Variants in RASAL1 observed in about 807,000 individuals in gnomAD.
RASAL1 encodes RAS protein activator like 1, also known as rasGAP-activating-like protein 1.
A neutral mutation model predicts 96.6 loss-of-function variants in RASAL1; 72 were observed. That is an observed-to-expected ratio of 0.75 (90% confidence interval 0.62 to 0.91). RASAL1 has a LOEUF of 0.91. Ranked by LOEUF, RASAL1 falls within the 40% of genes least tolerant of loss-of-function variation. The pLI, the probability that RASAL1 is intolerant of heterozygous loss-of-function variation, is 0.00. For synonymous variants in RASAL1, 405 were observed against 430.4 expected (o/e 0.94, Z 0.73); for missense variants, 1,016 against 1,072.5 (o/e 0.95, Z 0.74).
chr12:113,125,934 C>T (rs143280752), intron 4 of RASAL1, among the ~76,000 whole-genome samples: 13 of 152,274 alleles, frequency 8.5e-5, no homozygotes, highest in African/African-American at 2.6e-4. Context: ...ACGAAGAATG[C>T]GGAAACTCTG....
intron 16 of RASAL1, 22 bp downstream of exon 16, chr12:113,105,692 C>T (rs766951079): frequency 6.3e-7 from 1 of 1,584,676 alleles, no homozygotes; most frequent in Non-Finnish European, 8.6e-7. Context: ...GGAAAGCCCT[C>T]CATAGTGGAC....
Position 113,128,085 on chromosome 12 carries a change from C to A in RASAL1, c.216G>T (p.Val72=). ...CAAACCCGACAGTGTCCTCATCCAGCACGTAGAAGGCCAGCTGGTGGAAAT... is the reference window on the plus strand; with the variant it reads ...CAAACCCGACAGTGTCCTCATCCAGAACGTAGAAGGCCAGCTGGTGGAAAT... ...PLDFHQLAFY[V]LDEDTVGHDD... is the part of the protein sequence containing the mutation. The change falls in exon 3 of 21, where the codon GTG becomes GTT. Residue 72 remains valine, a synonymous_variant. Transcript: ENST00000548055. 2 of 1,613,972 alleles carry A rather than the reference C, an allele frequency of 1.2e-6. No homozygotes were observed. The highest frequency in any genetic ancestry group is 1.7e-6 in the Non-Finnish European group (2 of 1,179,970).
chr12:113,105,009 T>A (rs890850448), intron 16 of RASAL1, among the ~76,000 whole-genome samples: 1 of 152,254 alleles, frequency 6.6e-6, no homozygotes, highest in Non-Finnish European at 1.5e-5. Flanking sequence ...GCTTCCAAGG[T>A]CACTCATTGG....
chr12:113,104,251 T>G lies in RASAL1; in HGVS notation c.1878A>C (p.Val626=), dbSNP rs558010227. The part of the protein sequence containing the change: ...PVSHIRAVER[V]DEGAFQLPHV... ...GGGGCAGTTGGAAGGCGCCCTCGTCTACGCGCTCCACGGCGCGGATGTGAG... is the reference window on the plus strand; with the variant it reads ...GGGGCAGTTGGAAGGCGCCCTCGTCGACGCGCTCCACGGCGCGGATGTGAG... Residue 626 remains valine, a synonymous_variant, in exon 17 of 21, where the codon GTA becomes GTC. Transcript: ENST00000548055. 6.3e-7 allele frequency: 1 copy of G among 1,598,028 alleles called. No homozygotes were observed. The highest frequency in any genetic ancestry group is 1.3e-5 in the African/African-American group (1 of 74,732).
chr12:113,125,658 G>A (rs1373143843), intron 4 of RASAL1, among the ~76,000 whole-genome samples: 3 of 152,198 alleles, frequency 2.0e-5, no homozygotes. Flanking sequence ...AGTGTGGGGT[G>A]AGTGAACTGC....
chr12:113,107,145 G>C lies in RASAL1; in HGVS notation c.1609C>G (p.Arg537Gly). 1 of 1,613,894 alleles carries C rather than the reference G, an allele frequency of 6.2e-7. No homozygotes were observed. The highest frequency in any genetic ancestry group is 8.5e-7 in the Non-Finnish European group (1 of 1,179,866). ...LHPFLLQCVS[R>G]VRDFLDRLVD... ...AGCCGGTCCAGGAAGTCTCTCACACGTGAGACACACTGCAGCAGGAAGGGG... is the reference window on the plus strand; with the variant it reads ...AGCCGGTCCAGGAAGTCTCTCACACCTGAGACACACTGCAGCAGGAAGGGG... Residue 537 changes from arginine to glycine, a missense_variant, in exon 15 of 21, where the codon CGT becomes GGT. By Grantham distance (125) the Arg-to-Gly change is moderately radical. Transcript: ENST00000548055.
upstream of RASAL1, chr12:113,136,378 G>A (rs980988931): frequency 4.6e-5 from 7 of 152,296 alleles, 1 homozygote; most frequent in Admixed American, 4.6e-4. Context: ...ACACTTCATG[G>A]GTGCCAGGCA....
In RASAL1 at chr12:113,116,269, C is replaced by T. The variant is rs1181736482; in HGVS notation, c.732-218G>A. On this transcript the variant is annotated intron_variant, in intron 8 of 20. Transcript: ENST00000548055. ...CCTGTAGTCCCAGCTACTCAGGAGG[C>T]TGAGGCAGGAGAATTGCTTGAACCT... Among the ~76,000 whole-genome samples the T allele has an allele frequency of 2.0e-5, 3 of 152,076 alleles. No individual in the cohort carries two copies. In the East Asian group the frequency reaches 5.8e-4, roughly 29 times the overall value.
rs763150434 is a variant in RASAL1, at chr12:113,117,064, C to T, written c.731+9G>A. The T allele has an allele frequency of 4.9e-5, 77 of 1,582,720 alleles. No individual in the cohort carries two copies. Among genetic ancestry groups the T allele is most frequent in the Non-Finnish European group, 6.2e-5 (72 of 1,157,216 alleles). ...CAGCCTGGCCCCCTCCCTCTGCACC[C>T]ACATTTACCCAGAATCCTCCTCGGC... On this transcript the variant is annotated intron_variant, in intron 8 of 20. Transcript: ENST00000548055.
chr12:113,121,222 G>C (rs764125235), intron 5 of RASAL1, among the ~76,000 whole-genome samples: 1 of 152,128 alleles, frequency 6.6e-6, no homozygotes, highest in African/African-American at 2.4e-5. Context: ...GTATGAGTTG[G>C]GTATTTGTCA....
At chr12:113,131,446 G>T (rs1951706314) in intron 1 of RASAL1, among the ~76,000 whole-genome samples, 1 of 152,076 alleles carries the variant, frequency 6.6e-6, no homozygotes, top group Non-Finnish European at 1.5e-5. Flanking sequence ...CCCCTGCAGG[G>T]GCTTTAATGC....
At chr12:113,125,437 T>C (rs1951446287) in intron 4 of RASAL1, among the ~76,000 whole-genome samples, 2 of 152,178 alleles carry the variant, frequency 1.3e-5, no homozygotes, top group South Asian at 2.1e-4. Context: ...GGGAAATTCA[T>C]GTATAATATG....
At chr12:113,121,880 C>G (rs1464145651) in intron 4 of RASAL1, among the ~76,000 whole-genome samples, 2 of 152,056 alleles carry the variant, frequency 1.3e-5, no homozygotes, top group Admixed American at 6.5e-5. Context: ...CACCACCATG[C>G]CTGGATAATT....
At chr12:113,105,932 C>A in intron 15 of RASAL1, 46 bp from the exon 16 acceptor site, 1 of 1,558,288 alleles carries the variant, frequency 6.4e-7, no homozygotes, top group Non-Finnish European at 8.8e-7. Context: ...CCCTCCCTAA[C>A]CAGGCTCACC....
At chr12:113,109,156 C>T (rs777619722) in intron 13 of RASAL1, among the ~76,000 whole-genome samples, 3 of 151,558 alleles carry the variant, frequency 2.0e-5, no homozygotes, top group African/African-American at 4.9e-5. Context: ...CCTAGGATTA[C>T]AGGCATAAGC....
intron 1 of RASAL1, among the ~76,000 whole-genome samples, chr12:113,133,081 C>T (rs1951779792): frequency 6.6e-6 from 1 of 152,188 alleles, no homozygotes. Context: ...GGCTGGGATC[C>T]CACTAGCCGA....
chr12:113,118,085 G>A (rs1271433673), intron 7 of RASAL1, among the ~76,000 whole-genome samples: 3 of 152,116 alleles, frequency 2.0e-5, no homozygotes, highest in African/African-American at 2.4e-5. Context: ...TTACTCAGAT[G>A]TAGTGGTGTT....
chr12:113,126,379 A>G (rs931976810), intron 4 of RASAL1, among the ~76,000 whole-genome samples: 1 of 151,946 alleles, frequency 6.6e-6, no homozygotes, highest in Non-Finnish European at 1.5e-5. Context: ...AGAAAAACAC[A>G]GTATTAAGAG....
chr12:113,116,622 C>T (rs932147990), intron 8 of RASAL1, among the ~76,000 whole-genome samples: 1 of 152,056 alleles, frequency 6.6e-6, no homozygotes, highest in Non-Finnish European at 1.5e-5. Context: ...ATAGATGTGG[C>T]CAGTGTACAC....
Sources: gnomAD v4.1 joint callset for allele counts (sites outside exome capture counted in the v4.1 genomes callset) on GRCh38, gnomAD v4.1.1 for gene constraint, MANE v1.5 for transcripts, NCBI Gene and HGNC (gene_info 2026-07-23, HGNC 2026-07-21) for gene names.